The following CPEB1 variants were observed in gnomAD, a reference collection of about 807,000 sequenced individuals.
CPEB1 encodes the protein cytoplasmic polyadenylation element-binding protein 1.
A neutral mutation model predicts 65.8 loss-of-function variants in CPEB1; 7 were observed. The ratio of observed to expected loss-of-function variants is 0.11; its 90% CI spans 0.06 to 0.20. CPEB1 has a LOEUF of 0.20. Ranked by LOEUF, CPEB1 falls within the 10% of genes least tolerant of loss-of-function variation. The pLI is 1.00. For missense variants in CPEB1, 551 were observed against 712.2 expected (o/e 0.77, Z 2.58); for synonymous variants, 262 against 260.0 (o/e 1.01, Z -0.08).
At chr15:82,556,832 C>A (rs1376374790) in intron 5 of CPEB1, among the ~76,000 whole-genome samples, 1 of 152,294 alleles carries the variant, frequency 6.6e-6, no homozygotes, top group Admixed American at 6.5e-5. Context: ...GCAGCCTTAA[C>A]AGATAAAACC....
rs1173149377 is a variant in CPEB1 at position 82,557,892 on chromosome 15, G to T, written c.555C>A (p.Asp185Glu). 1 of 1,614,154 alleles carries T rather than the reference G, an allele frequency of 6.2e-7. No homozygotes were observed. Among genetic ancestry groups the T allele is most frequent in the African/African-American group, 1.3e-5 (1 of 75,042 alleles). ...CTCTAACTGAGGGTGCTGGAAACTTGTCCACCAAGTCAGACCCAAGGGGAT... is the reference window on the plus strand; with the variant it reads ...CTCTAACTGAGGGTGCTGGAAACTTTTCCACCAAGTCAGACCCAAGGGGAT... ...PLDPLGSDLV[D>E]KFPAPSVRGS... The change falls in exon 5 of 13, where the codon GAC (aspartate) becomes GAA (glutamate). Residue 185 changes from aspartate (D) to glutamate (E), a missense_variant. Physicochemically the swap from Asp to Glu is conservative, Grantham distance 45. Coordinates refer to ENST00000684509, the MANE Select transcript of CPEB1 (RefSeq NM_001365242.1).
intron 1 of CPEB1, among the ~76,000 whole-genome samples, chr15:82,633,749 C>G (rs2046440447): frequency 6.6e-6 from 1 of 152,216 alleles, no homozygotes; most frequent in South Asian, 2.1e-4. Context: ...TATCATGAAA[C>G]TGTTTTCCTA....
At position 82,543,520 on chromosome 15, in the gene CPEB1, G is replaced by A. The variant is rs1425521969; in HGVS notation, c.*1072C>T. On this transcript the variant is annotated 3_prime_UTR_variant, in exon 13 of 13. Coordinates refer to ENST00000684509, the MANE Select transcript of CPEB1 (RefSeq NM_001365242.1). ...AAAAGTCAAGTTTTCAAATTCCAGT[G>A]GCATTTCAGTCAACTGCAACTGTTA... 1 of 123,778 alleles carries A rather than the reference G, an allele frequency of 8.1e-6. No individual in the cohort carries two copies. Among genetic ancestry groups the A allele is most frequent in the East Asian group, 2.5e-4 (1 of 3,928 alleles). 7.7% of individuals were successfully genotyped at this position (123,778 alleles called of 1,614,324 possible).
Position 82,627,226 on chromosome 15 carries a change from G to A in CPEB1, c.238C>T (p.Pro80Ser). ...SLDFSRVCTT[P>S]INRGIHDHLP... ...TGATCATGAATTCCTCGGTTTATAG[G>A]TGTAGTGCAGACTCTACTGAAATCC... The change falls in exon 3 of 13, where the codon CCT becomes TCT. Residue 80 changes from proline to serine, a missense_variant. Around this residue, in one of 6 missense-constraint regions of CPEB1, gnomAD observed 223 missense variants for 228.6 expected, o/e 0.98. Coordinates refer to ENST00000684509, the MANE Select transcript of CPEB1 (RefSeq NM_001365242.1). 6.2e-7 allele frequency: 1 copy of A among 1,612,448 alleles called. No homozygotes were observed.
intron 3 of CPEB1, among the ~76,000 whole-genome samples, chr15:82,575,587 T>A (rs1007544377): frequency 6.6e-6 from 1 of 152,010 alleles, no homozygotes; most frequent in African/African-American, 2.4e-5. Context: ...GTAAAAGAAA[T>A]CTTAACTGAA....
intron 3 of CPEB1, among the ~76,000 whole-genome samples, chr15:82,595,885 T>C (rs1408192946): frequency 6.6e-6 from 1 of 152,236 alleles, no homozygotes; most frequent in Non-Finnish European, 1.5e-5. Flanking sequence ...CAGTATCACC[T>C]ACTAAGTATT....
Position 82,571,435 on chromosome 15 carries a change from G to A in CPEB1, c.369C>T (p.Cys123=), listed in dbSNP as rs981814320. ...SRGLPDANDL[C]LGLQSLSLTG... ...TCAGACTGAGGGACTGCAGGCCAAG[G>A]CACAAGTCATTTGCATCTGGGAGGC... Residue 123 remains cysteine (C), a synonymous_variant, in exon 4 of 13, where the codon TGC becomes TGT. Transcript: ENST00000684509. 1.5e-5 allele frequency: 24 copies of A among 1,614,116 alleles called. No homozygotes were observed. The highest frequency in any genetic ancestry group is 2.0e-5 in the Non-Finnish European group (24 of 1,180,008).
At chr15:82,608,320 A>G (rs2043818522) in intron 3 of CPEB1, among the ~76,000 whole-genome samples, 1 of 151,940 alleles carries the variant, frequency 6.6e-6, no homozygotes, top group South Asian at 2.1e-4. Context: ...GGCTGGCTGT[A>G]CTTGGTGAGC....
intron 3 of CPEB1, among the ~76,000 whole-genome samples, chr15:82,589,943 T>C (rs1416007191): frequency 1.3e-5 from 2 of 152,192 alleles, no homozygotes; most frequent in African/African-American, 4.8e-5. Context: ...ATGCATGGGT[T>C]AGATGCAAAT....
intron 3 of CPEB1, among the ~76,000 whole-genome samples, chr15:82,617,069 T>C (rs956715392): frequency 6.6e-5 from 10 of 152,190 alleles, no homozygotes; most frequent in Non-Finnish European, 1.0e-4. Context: ...CCTACCTACC[T>C]CTGAGTCCTC....
chr15:82,551,402 T>C (rs1390462620), intron 9 of CPEB1, among the ~76,000 whole-genome samples: 1 of 152,204 alleles, frequency 6.6e-6, no homozygotes, highest in Non-Finnish European at 1.5e-5. Context: ...TTTTTTATAC[T>C]GACCCATCAT....
chr15:82,646,484 C>T (rs965337153), intron 1 of CPEB1, among the ~76,000 whole-genome samples: 1 of 152,142 alleles, frequency 6.6e-6, no homozygotes, highest in African/African-American at 2.4e-5. Context: ...CGGCCTCCTC[C>T]CAGGCGGGCC....
intron 3 of CPEB1, among the ~76,000 whole-genome samples, chr15:82,608,088 TTCTAA>T (rs1482712154): frequency 6.6e-6 from 1 of 152,230 alleles, no homozygotes; most frequent in African/African-American, 2.4e-5. Flanking sequence ...GCTTAGGGCC[TTCTAA>T]TCTAATGCTT....
rs760112627 is a variant in CPEB1 at position 82,595,001 on chromosome 15, T to TA, written c.272-23470dup. 9.1e-4 allele frequency among the ~76,000 whole-genome samples: 138 copies of TA among 152,222 alleles called. 1 individual carries two copies. The highest frequency in any genetic ancestry group is 2.2e-3 in the African/African-American group (93 of 41,520). ...AATTACAATAGCAGCAAAGCAACAGTAAAATAAGTTGGAAATATTGGAAGA... is the reference window on the plus strand; with the variant it reads ...AATTACAATAGCAGCAAAGCAACAGTAAAAATAAGTTGGAAATATTGGAAGA... On this transcript the variant is annotated intron_variant, in intron 3 of 12. Transcript: ENST00000684509.
chr15:82,585,633 A>G lies in CPEB1; in HGVS notation c.272-14101T>C, dbSNP rs59475405. On this transcript the variant is annotated intron_variant, in intron 3 of 12. Coordinates refer to ENST00000684509, the MANE Select transcript of CPEB1 (RefSeq NM_001365242.1). ...TTTGACCAAGCTAAGCACTCATCTCATTCAAAACCCGAGCCCTTCCCCCAC... is the reference window on the plus strand; with the variant it reads ...TTTGACCAAGCTAAGCACTCATCTCGTTCAAAACCCGAGCCCTTCCCCCAC... 2.5e-3 allele frequency among the ~76,000 whole-genome samples: 376 copies of G among 152,240 alleles called. 1 individual carries two copies. Among genetic ancestry groups the G allele is most frequent in the African/African-American group, 8.8e-3 (367 of 41,550 alleles).
intron 3 of CPEB1, among the ~76,000 whole-genome samples, chr15:82,613,204 T>C (rs1009118701): frequency 1.3e-5 from 2 of 152,152 alleles, no homozygotes; most frequent in African/African-American, 4.8e-5. Context: ...CTAAATAAAA[T>C]ATATTATGAA....
chr15:82,614,906 G>A (rs1049138572), intron 3 of CPEB1, among the ~76,000 whole-genome samples: 2 of 149,360 alleles, frequency 1.3e-5, no homozygotes, highest in African/African-American at 2.5e-5. Context: ...CTCAGCCAAC[G>A]CTCTCACAAC....
intron 3 of CPEB1, among the ~76,000 whole-genome samples, chr15:82,586,822 G>C (rs908262457): frequency 9.9e-5 from 15 of 152,158 alleles, no homozygotes; most frequent in African/African-American, 2.9e-4. Context: ...ACTATTCCTA[G>C]CCTTTGTTAA....
At chr15:82,645,652 G>A (rs779927435) in intron 1 of CPEB1, among the ~76,000 whole-genome samples, 6 of 151,902 alleles carry the variant, frequency 3.9e-5, no homozygotes, top group Non-Finnish European at 7.4e-5. Context: ...GGCGGATCAC[G>A]AGGTCAGGAG....
Sources: gnomAD v4.1 joint callset for allele counts (sites outside exome capture counted in the v4.1 genomes callset) on GRCh38, gnomAD v4.1.1 for gene constraint, gnomAD v4.1.1 regional missense constraint, MANE v1.5 for transcripts, NCBI Gene and HGNC (gene_info 2026-07-23, HGNC 2026-07-21) for gene names.